The following PEMT variants were observed in gnomAD, a reference collection of about 807,000 sequenced individuals.
The protein encoded by PEMT is phosphatidylethanolamine N-methyltransferase.
In PEMT, 23 loss-of-function variants were observed where a neutral mutation model predicts 27.4. The ratio of observed to expected loss-of-function variants is 0.84; its 90% confidence interval spans 0.60 to 1.19. The LOEUF is 1.19. Ranked by LOEUF, PEMT falls within the 50% of genes most tolerant of loss-of-function variation. The pLI, the probability that PEMT is intolerant of heterozygous loss-of-function variation, is 0.00. For synonymous variants in PEMT, 137 were observed against 139.1 expected (o/e 0.98, Z 0.11); for missense variants, 307 against 310.1 (o/e 0.99, Z 0.07).
At chr17:17,557,286 G>C (rs1182918869) in intron 2 of PEMT, among the ~76,000 whole-genome samples, 2 of 152,204 alleles carry the variant, frequency 1.3e-5, no homozygotes, top group African/African-American at 4.8e-5. Flanking sequence ...CCTACATAGA[G>C]CCGACACCTC....
At position 17,577,008 on chromosome 17, in the gene PEMT, G is replaced by C. The variant is rs143067369; in HGVS notation, c.116C>G (p.Thr39Ser). ...GGGGTCCACGTAGCCCAGCAGCCGG[G>C]TCATAACGCAGAAGTCTGCCTGCAG... ...DFRQADFCVM[T>S]RLLGYVDPLD... is the part of the protein sequence containing the mutation. Residue 39 changes from threonine (T) to serine (S), a missense_variant, in exon 2 of 7, where the codon ACC becomes AGC. Physicochemically the swap from Thr to Ser is moderately conservative, Grantham distance 58. Coordinates refer to ENST00000255389, the MANE Select transcript of PEMT (RefSeq NM_148172.3). 1.6e-3 allele frequency: 2,528 copies of C among 1,613,886 alleles called. 2 individuals carry two copies. Among genetic ancestry groups the C allele is most frequent in the Non-Finnish European group, 2.1e-3 (2,433 of 1,179,910 alleles).
At chr17:17,509,286 A>G (rs2142503930) in intron 5 of PEMT, 148 bp downstream of exon 5, 1 of 601,170 alleles carries the variant, frequency 1.7e-6, no homozygotes. Context: ...CTTCTGAGAA[A>G]GGGAGAACCA....
chr17:17,530,441 G>A (rs559861495), intron 2 of PEMT, among the ~76,000 whole-genome samples: 74 of 152,260 alleles, frequency 4.9e-4, no homozygotes, highest in Admixed American at 1.2e-3. Context: ...GTTGCAGTGA[G>A]CTGAGATGGC....
intron 4 of PEMT, 26 bp from the exon 5 acceptor site, chr17:17,509,571 C>T: frequency 1.3e-6 from 2 of 1,509,436 alleles, no homozygotes; most frequent in South Asian, 2.2e-5. Flanking sequence ...GGCAGGGTCC[C>T]TCGGCTATTC....
At position 17,517,931 on chromosome 17, in the gene PEMT, C is replaced by T. The variant is rs552067128; in HGVS notation, c.320+4349G>A. 1.0e-5 allele frequency: 10 copies of T among 976,636 alleles called. No homozygotes were observed. The South Asian group carries it at 4.7e-4, about 46-fold the overall frequency. 60.5% of individuals were successfully genotyped at this position (976,636 alleles called of 1,614,324 possible). A position where few individuals can be genotyped will look rare whatever the true frequency, so the allele number is the denominator to read the frequency against. On this transcript the variant is annotated intron_variant, in intron 3 of 6. Transcript: ENST00000255389. ...CCCACCCAGACCACCTTCCAGAGAC[C>T]ACCCTGCCCCTCCAGGTGCCTCCTA...
intron 3 of PEMT, among the ~76,000 whole-genome samples, chr17:17,518,818 G>T (rs1381793496): frequency 6.6e-6 from 1 of 152,158 alleles, no homozygotes; most frequent in African/African-American, 2.4e-5. Context: ...ACACTCATGG[G>T]GACAGAAAGC....
intron 2 of PEMT, among the ~76,000 whole-genome samples, chr17:17,540,316 C>T (rs956157769): frequency 6.6e-6 from 1 of 152,360 alleles, no homozygotes; most frequent in South Asian, 2.1e-4. Context: ...GTGGACTCTG[C>T]GCTCTATCCC....
chr17:17,507,517 T>G, intron 5 of PEMT: 1 of 361,970 alleles, frequency 2.8e-6, no homozygotes, highest in Non-Finnish European at 5.1e-6. Flanking sequence ...TAAGCAAAGA[T>G]CCAAGCCCAG....
chr17:17,522,246 G>T (rs878988081), intron 3 of PEMT, 34 bp downstream of exon 3: 2 of 1,487,346 alleles, frequency 1.3e-6, no homozygotes, highest in Non-Finnish European at 1.9e-6. Context: ...CTAGCCCAGG[G>T]GTTGTGGCTC....
intron 4 of PEMT, among the ~76,000 whole-genome samples, chr17:17,511,778 G>A (rs1273113098): frequency 2.6e-5 from 4 of 151,872 alleles, no homozygotes; most frequent in Non-Finnish European, 5.9e-5. Flanking sequence ...GGTTCCGAAG[G>A]CCCCCTCTTG....
At position 17,512,337 on chromosome 17, in the gene PEMT, C is replaced by T. The variant is rs900277920; in HGVS notation, c.466+172G>A. 2.6e-5 allele frequency among the ~76,000 whole-genome samples: 4 copies of T among 152,208 alleles called. No homozygotes were observed. Among genetic ancestry groups the T allele is most frequent in the African/African-American group, 9.6e-5 (4 of 41,456 alleles). On this transcript the variant is annotated intron_variant, in intron 4 of 6. Coordinates refer to ENST00000255389, the MANE Select transcript of PEMT (RefSeq NM_148172.3). The surrounding 1 kb of genome is among the most constrained non-coding windows in gnomAD (Gnocchi z 6.3). ...AAGAGGAGCTGTTGGAGCCCAGCCT[C>T]CTGTTCTAACCACAGACAAGCCAGG... is the stretch of plus-strand genomic sequence containing the variant.
chr17:17,571,481 G>T (rs983601459), intron 2 of PEMT, among the ~76,000 whole-genome samples: 1 of 152,102 alleles, frequency 6.6e-6, no homozygotes, highest in African/African-American at 2.4e-5. Flanking sequence ...TGGCCAGGTG[G>T]AGGGAGGGGT....
At chr17:17,560,798 G>A (rs983626112) in intron 2 of PEMT, among the ~76,000 whole-genome samples, 32 of 151,872 alleles carry the variant, frequency 2.1e-4, no homozygotes, top group African/African-American at 7.7e-4. Context: ...CTAGCCACAG[G>A]GGCAGGGTGT....
chr17:17,509,601 T>C, intron 4 of PEMT, 56 bp from the exon 5 acceptor site: 1 of 1,222,190 alleles, frequency 8.2e-7, no homozygotes, highest in Non-Finnish European at 1.2e-6. Context: ...GGCCACACCA[T>C]CACTGAGGGA....
At chr17:17,571,057 C>T (rs923513171) in intron 2 of PEMT, 3 of 197,978 alleles carry the variant, frequency 1.5e-5, no homozygotes, top group African/African-American at 7.1e-5. Flanking sequence ...CAGACTGAGA[C>T]TCAGATGACA....
At chr17:17,522,169 CCT>C (rs986402652) in intron 3 of PEMT, 109 bp downstream of exon 3, 9 of 759,722 alleles carry the variant, frequency 1.2e-5, no homozygotes, top group Non-Finnish European at 1.8e-5. Flanking sequence ...AGAGCTAACC[CCT>C]GAGTGCTCAG....
rs1343567327 is a variant in PEMT at position 17,548,841 on chromosome 17, G to A, written c.205-26446C>T. Among the ~76,000 whole-genome samples the A allele has an allele frequency of 3.9e-5, 6 of 152,180 alleles. 1 individual carries two copies. In the South Asian group the frequency reaches 1.0e-3, roughly 26 times the overall value. On this transcript the variant is annotated intron_variant, in intron 2 of 6. Transcript: ENST00000255389. ...ATTACAGGCGTGAGCCGCCGAGTCC[G>A]GCCGAGTACAGGTCTTGAAGGACAG...
chr17:17,511,142 C>T (rs967115255), intron 4 of PEMT, among the ~76,000 whole-genome samples: 6 of 152,186 alleles, frequency 3.9e-5, no homozygotes, highest in South Asian at 4.1e-4. Flanking sequence ...AGCACCTGTG[C>T]GGCCAGTCCA....
In PEMT at chr17:17,523,265, C is replaced by T. The variant is rs960861792; in HGVS notation, c.205-870G>A. Among the ~76,000 whole-genome samples the T allele has an allele frequency of 3.3e-4, 50 of 152,158 alleles. No individual in the cohort carries two copies. The highest frequency in any genetic ancestry group is 1.2e-3 in the African/African-American group (49 of 41,422). The stretch of plus-strand genomic sequence containing the variant: ...CCCAGAGTAGGCGCCTGTGTGTGCA[C>T]AGGAAGAGCCTCAGAGGCCTGCTCC... On this transcript the variant is annotated intron_variant, in intron 2 of 6. Coordinates refer to ENST00000255389, the MANE Select transcript of PEMT (RefSeq NM_148172.3). This position sits in a 1 kb window ranked among gnomAD's most constrained non-coding sequence, Gnocchi z 4.8.
Sources: gnomAD v4.1 joint callset for allele counts (sites outside exome capture counted in the v4.1 genomes callset) on GRCh38, gnomAD v4.1.1 for gene constraint, Gnocchi (gnomAD v3.1) non-coding constraint, MANE v1.5 for transcripts, NCBI Gene and HGNC (gene_info 2026-07-23, HGNC 2026-07-21) for gene names.